Variants in PAX8 observed in about 807,000 individuals in gnomAD.
PAX8 encodes the protein paired box protein Pax-8.
A neutral mutation model predicts 52.4 loss-of-function variants in PAX8; 15 were observed. The observed-to-expected ratio is 0.29, with a 90% confidence interval of 0.19 to 0.44. PAX8 has a LOEUF of 0.44. Among genes scored for constraint, PAX8 ranks in the 20% least tolerant of loss-of-function variants. The pLI, the probability that PAX8 is intolerant of heterozygous loss-of-function variation, is 1.00. For missense variants in PAX8, 554 were observed against 602.5 expected (o/e 0.92, Z 0.84); for synonymous variants, 284 against 249.7 (o/e 1.14, Z -1.29).
intron 7 of PAX8, chr2:113,241,217 T>A: frequency 6.6e-6 from 3 of 453,382 alleles, no homozygotes; most frequent in Non-Finnish European, 1.2e-5. Flanking sequence ...ATGTGAAGGC[T>A]TTGTGCTACT....
In PAX8 at chr2:113,235,462, G is replaced by C. The variant is rs1327472301; in HGVS notation, c.1019C>G (p.Pro340Arg). ...LDLQQVGSGV[P>R]PFNAFPHAAS... is the part of the protein sequence containing the mutation. ...AGCATGGGGAAAGGCATTGAAGGGCGGGACCCCGGAGCCGACTTGCTGCAG... is the reference window on the plus strand; with the variant it reads ...AGCATGGGGAAAGGCATTGAAGGGCCGGACCCCGGAGCCGACTTGCTGCAG... The change falls in exon 9 of 12, where the codon CCG (proline) becomes CGG (arginine). Residue 340 changes from proline to arginine, a missense_variant. This residue lies in a region of PAX8 where 445 missense variants were observed against 409.9 expected (regional missense o/e 1.09). Coordinates refer to ENST00000429538, the MANE Select transcript of PAX8 (RefSeq NM_003466.4). The C allele has an allele frequency of 6.2e-7, 1 of 1,612,004 alleles. No homozygotes were observed. Among genetic ancestry groups the C allele is most frequent in the South Asian group, 1.1e-5 (1 of 90,676 alleles).
chr2:113,222,840 C>G (rs758353803), intron 10 of PAX8, among the ~76,000 whole-genome samples: 1 of 151,938 alleles, frequency 6.6e-6, no homozygotes, highest in Non-Finnish European at 1.5e-5. Context: ...TACCAATGGT[C>G]ACTTCTATAT....
intron 8 of PAX8, 52 bp downstream of exon 8, chr2:113,236,549 A>C (rs1690358551): frequency 6.5e-7 from 1 of 1,534,858 alleles, no homozygotes; most frequent in African/African-American, 1.4e-5. Flanking sequence ...CAGCCAGCCA[A>C]GCTCTTCAGT....
At chr2:113,237,311 C>G (rs984859833) in intron 7 of PAX8, 3 of 152,196 alleles carry the variant, frequency 2.0e-5, no homozygotes, top group African/African-American at 4.8e-5. Flanking sequence ...CTAGTAGAGT[C>G]CCCCAGCAGC....
intron 2 of PAX8, among the ~76,000 whole-genome samples, chr2:113,250,542 A>G (rs977122614): frequency 6.6e-6 from 1 of 152,170 alleles, no homozygotes; most frequent in Non-Finnish European, 1.5e-5. Flanking sequence ...TGAACTAAGA[A>G]TTTATGTTTC....
At chr2:113,247,872 G>T (rs1691455273) in intron 2 of PAX8, among the ~76,000 whole-genome samples, 1 of 152,206 alleles carries the variant, frequency 6.6e-6, no homozygotes, top group Admixed American at 6.5e-5. Flanking sequence ...CCAGCAAACA[G>T]CCAGTTAACA....
intron 2 of PAX8, chr2:113,273,932 G>C (rs1209136038): frequency 6.6e-6 from 1 of 152,142 alleles, no homozygotes; most frequent in East Asian, 1.9e-4. Context: ...AAGCAGGCAA[G>C]ATTTTACAAT....
At chr2:113,243,717 A>G (rs566633152) in intron 4 of PAX8, among the ~76,000 whole-genome samples, 22 of 152,176 alleles carry the variant, frequency 1.4e-4, no homozygotes, top group East Asian at 3.9e-4. Context: ...TTTTGATCCT[A>G]TTAGCCACAG....
intron 2 of PAX8, among the ~76,000 whole-genome samples, chr2:113,250,497 A>G (rs1390152413): frequency 6.6e-6 from 1 of 152,186 alleles, no homozygotes; most frequent in South Asian, 2.1e-4. Context: ...TACTGAGCAC[A>G]ATGCCCTAAG....
At chr2:113,230,037 G>C (rs1034302530) in intron 9 of PAX8, among the ~76,000 whole-genome samples, 1 of 152,198 alleles carries the variant, frequency 6.6e-6, no homozygotes, top group African/African-American at 2.4e-5. Flanking sequence ...TGTCACATAA[G>C]GAACTAGTTT....
At chr2:113,231,572 G>A (rs181604138) in intron 9 of PAX8, among the ~76,000 whole-genome samples, 1 of 152,324 alleles carries the variant, frequency 6.6e-6, no homozygotes, top group African/African-American at 2.4e-5. Flanking sequence ...AGGCGGCAGC[G>A]AGGGTCCTTG....
chr2:113,227,205 G>A lies in PAX8; in HGVS notation c.1139C>T (p.Thr380Ile), dbSNP rs987647241. 4 of 1,610,784 alleles carry A rather than the reference G, an allele frequency of 2.5e-6. No homozygotes were observed. In the Admixed American group the frequency reaches 5.0e-5, roughly 20 times the overall value. Residue 380 changes from threonine to isoleucine, a missense_variant, in exon 10 of 12, where the codon ACC becomes ATC. This residue lies in a region of PAX8 where 445 missense variants were observed against 409.9 expected (regional missense o/e 1.09). Transcript: ENST00000429538. ...GGAGGCATAGCTGCCCTGTCCGCTG[G>A]TGGGGATGTGGGGTGGGTATCCGGG... Reference protein sequence around the residue: ...TLPGYPPHIPTSGQGSYASSA... With the variant: ...TLPGYPPHIPISGQGSYASSA...
At chr2:113,255,666 G>A (rs1692195718) in intron 2 of PAX8, 1 of 152,160 alleles carries the variant, frequency 6.6e-6, no homozygotes, top group Non-Finnish European at 1.5e-5. Context: ...CACCACTAAG[G>A]AAACTGTCAC....
At chr2:113,225,970 G>A (rs1689544610) in intron 10 of PAX8, 1 of 984,824 alleles carries the variant, frequency 1.0e-6, no homozygotes, top group Non-Finnish European at 1.2e-6. Context: ...GGAGTCCGGG[G>A]CCAGGAGGGA....
chr2:113,228,994 A>T (rs945834135), intron 9 of PAX8, among the ~76,000 whole-genome samples: 2 of 152,220 alleles, frequency 1.3e-5, no homozygotes, highest in African/African-American at 4.8e-5. Context: ...TATATTCTAG[A>T]CACTTTTCTA....
intron 2 of PAX8, among the ~76,000 whole-genome samples, chr2:113,251,419 A>T (rs1339371501): frequency 6.6e-6 from 1 of 151,906 alleles, no homozygotes; most frequent in Non-Finnish European, 1.5e-5. Flanking sequence ...TTGAAGCCTC[A>T]TAAGCAAAGA....
At chr2:113,274,976 C>A (rs1054759124) in intron 2 of PAX8, 8 of 152,078 alleles carry the variant, frequency 5.3e-5, no homozygotes, top group African/African-American at 1.4e-4. Context: ...TTAGTAGATG[C>A]CCTCTAATTT....
At chr2:113,266,276 A>G (rs1693048298) in intron 2 of PAX8, 1 of 152,216 alleles carries the variant, frequency 6.6e-6, no homozygotes, top group Non-Finnish European at 1.5e-5. Flanking sequence ...GGAAATCTCA[A>G]GGAAGGCATC....
rs1690214828 is a variant in PAX8, at chr2:113,235,564, G to A, written c.917C>T (p.Ala306Val). Residue 306 changes from alanine to valine, a missense_variant, in exon 9 of 12, where the codon GCC (alanine) becomes GTC (valine). Around this residue, in one of 2 missense-constraint regions of PAX8, gnomAD observed 445 missense variants for 409.9 expected, o/e 1.09. Coordinates refer to ENST00000429538, the MANE Select transcript of PAX8 (RefSeq NM_003466.4). ...CACCTCGGGGGTTTCCTGCTTTATG[G>A]CGAAGGGTGAGTGAGGATCTGCCGG... Reference protein sequence around the residue: ...PVVADPHSPFAIKQETPEVSS... With the variant: ...PVVADPHSPFVIKQETPEVSS... 6.2e-7 allele frequency: 1 copy of A among 1,612,582 alleles called. No individual in the cohort carries two copies. The highest frequency in any genetic ancestry group is 8.5e-7 in the Non-Finnish European group (1 of 1,179,040).
Sources: gnomAD v4.1 joint callset for allele counts (sites outside exome capture counted in the v4.1 genomes callset) on GRCh38, gnomAD v4.1.1 for gene constraint, gnomAD v4.1.1 regional missense constraint, MANE v1.5 for transcripts, NCBI Gene and HGNC (gene_info 2026-07-23, HGNC 2026-07-21) for gene names.